KLF12: variants seen among roughly 807,000 people sequenced by gnomAD.
The protein encoded by KLF12 is Krueppel-like factor 12.
A neutral mutation model predicts 37.8 loss-of-function variants in KLF12; 9 were observed. That is an observed-to-expected ratio of 0.24 (90% confidence interval 0.14 to 0.42). The LOEUF (loss-of-function observed/expected upper bound fraction) is 0.42, where lower values mean the gene tolerates loss of function less well. KLF12 is among the 10% of genes least tolerant of loss of function. The pLI, the probability that KLF12 is intolerant of heterozygous loss-of-function variation, is 1.00. For missense variants in KLF12, 411 were observed against 516.0 expected (o/e 0.80, Z 1.97); for synonymous variants, 208 against 202.1 (o/e 1.03, Z -0.25).
At chr13:73,832,238 C>T (rs914805697) in intron 4 of KLF12, among the ~76,000 whole-genome samples, 2 of 152,192 alleles carry the variant, frequency 1.3e-5, no homozygotes, top group African/African-American at 4.8e-5. Context: ...TCATTATTTA[C>T]TCTTTTCCTG....
At chr13:73,843,123 T>C (rs1395237994) in intron 4 of KLF12, among the ~76,000 whole-genome samples, 1 of 152,186 alleles carries the variant, frequency 6.6e-6, no homozygotes, top group Non-Finnish European at 1.5e-5. Flanking sequence ...AGCAGTTCCA[T>C]ACCAATGTCT....
rs540720827 is a variant in KLF12, at chr13:73,981,279, G to A, written c.33+13711C>T. Among the ~76,000 whole-genome samples, 8 of 151,942 alleles carry A rather than the reference G, an allele frequency of 5.3e-5. 1 individual carries two copies. In the South Asian group the frequency reaches 1.7e-3, roughly 32 times the overall value. On this transcript the variant is annotated intron_variant, in intron 2 of 7. Transcript: ENST00000377669. Reference sequence around the variant, plus strand: ...ATTCTACTTCTGGGTATATATTCCAGAGAAAATCTTCTATATTTGTACCAG... The same window carrying A: ...ATTCTACTTCTGGGTATATATTCCAAAGAAAATCTTCTATATTTGTACCAG...
chr13:73,953,033 T>C (rs538606024), intron 2 of KLF12, among the ~76,000 whole-genome samples: 22 of 152,206 alleles, frequency 1.4e-4, no homozygotes, highest in African/African-American at 4.8e-4. Flanking sequence ...GAGAAGAGTG[T>C]CAAGAATGAC....
chr13:73,762,622 C>T (rs1007806056), intron 6 of KLF12, among the ~76,000 whole-genome samples: 16 of 152,228 alleles, frequency 1.1e-4, no homozygotes, highest in African/African-American at 1.9e-4. Context: ...ACAGTGTTTG[C>T]GGGTTGAACC....
At chr13:74,089,061 CA>C (rs1176865037) in intron 1 of KLF12, among the ~76,000 whole-genome samples, 3 of 152,044 alleles carry the variant, frequency 2.0e-5, no homozygotes, top group African/African-American at 4.8e-5. Flanking sequence ...GCGTAATTAT[CA>C]AAAAAAGTAG....
Position 73,951,533 on chromosome 13 carries a change from T to C in KLF12, c.34-7463A>G, listed in dbSNP as rs544824117. On this transcript the variant is annotated intron_variant, in intron 2 of 7. Transcript: ENST00000377669. ...GCACTGCTACAAAGCTGTGTAAGCC[T>C]AGAACTGTGCAAGCAACTCTGGCTA... Among the ~76,000 whole-genome samples the C allele has an allele frequency of 1.5e-4, 23 of 152,274 alleles. No homozygotes were observed. In the South Asian group the frequency reaches 4.6e-3, roughly 30 times the overall value.
chr13:73,899,843 T>C (rs1286930981), intron 3 of KLF12, among the ~76,000 whole-genome samples: 1 of 152,146 alleles, frequency 6.6e-6, no homozygotes, highest in Admixed American at 6.5e-5. Context: ...CTGACAGTTA[T>C]ACCACTAACT....
chr13:73,860,154 G>T (rs1885843045), intron 3 of KLF12, among the ~76,000 whole-genome samples: 1 of 152,148 alleles, frequency 6.6e-6, no homozygotes, highest in Non-Finnish European at 1.5e-5. Context: ...GATTGAAGAT[G>T]ATGTTGATCA....
chr13:73,885,186 C>G (rs1594211156), intron 3 of KLF12, among the ~76,000 whole-genome samples: 1 of 152,198 alleles, frequency 6.6e-6, no homozygotes, highest in Non-Finnish European at 1.5e-5. Context: ...TTAAATGTAA[C>G]AAATCCAGAG....
At chr13:74,072,650 C>G (rs1874338894) in intron 1 of KLF12, among the ~76,000 whole-genome samples, 1 of 141,182 alleles carries the variant, frequency 7.1e-6, no homozygotes, top group East Asian at 1.9e-4. Context: ...CAGAAGGATC[C>G]TGAGCTGCAA....
chr13:74,175,760 G>T, the KLF12 span, among the ~76,000 whole-genome samples: 2 of 152,184 alleles, frequency 1.3e-5, no homozygotes, highest in Non-Finnish European at 2.9e-5. Flanking sequence ...AAAGGCACCA[G>T]AGGGCTAACA....
chr13:74,238,577 T>A, the KLF12 span, among the ~76,000 whole-genome samples: 8 of 135,734 alleles, frequency 5.9e-5, 2 homozygotes, highest in African/African-American at 2.4e-4. Flanking sequence ...TCCTGGACTC[T>A]TTTTGGTTGG....
At chr13:73,887,357 T>A (rs1375901978) in intron 3 of KLF12, among the ~76,000 whole-genome samples, 1 of 152,218 alleles carries the variant, frequency 6.6e-6, no homozygotes, top group Non-Finnish European at 1.5e-5. Context: ...GGGAGCTAAC[T>A]GGATCATGGG....
At chr13:74,016,572 A>G (rs1892693374) in intron 1 of KLF12, among the ~76,000 whole-genome samples, 1 of 152,160 alleles carries the variant, frequency 6.6e-6, no homozygotes, top group South Asian at 2.1e-4. Flanking sequence ...TCTGTTGCCC[A>G]TACTGGTCTT....
chr13:73,700,759 A>G (rs933730111), intron 7 of KLF12, among the ~76,000 whole-genome samples: 14 of 152,136 alleles, frequency 9.2e-5, no homozygotes, highest in African/African-American at 3.4e-4. Context: ...AAAACAGGAA[A>G]GAAAGTCTAT....
intron 3 of KLF12, among the ~76,000 whole-genome samples, chr13:73,877,531 T>A (rs1363612360): frequency 6.6e-6 from 1 of 152,224 alleles, no homozygotes; most frequent in Admixed American, 6.5e-5. Flanking sequence ...CAGCTTTATG[T>A]GGACATTGTC....
chr13:74,229,889 A>T, the KLF12 span, among the ~76,000 whole-genome samples: 2 of 152,182 alleles, frequency 1.3e-5, no homozygotes, highest in Non-Finnish European at 2.9e-5. Context: ...TTATCTTCTA[A>T]AATGTGACAT....
intron 1 of KLF12, among the ~76,000 whole-genome samples, chr13:74,070,325 C>T (rs115269223): frequency 0.011 from 1,601 of 152,348 alleles, 20 homozygotes; most frequent in African/African-American, 0.032. Flanking sequence ...TAAACGACCA[C>T]TAGCCAAGAC....
intron 1 of KLF12, among the ~76,000 whole-genome samples, chr13:74,013,400 T>C (rs1200413550): frequency 2.6e-5 from 4 of 152,260 alleles, no homozygotes; most frequent in African/African-American, 9.6e-5. Context: ...ATGCACTCTC[T>C]GGAGAGAACC....
Sources: allele counts gnomAD v4.1 joint callset (sites outside exome capture counted in the v4.1 genomes callset), GRCh38; gene constraint gnomAD v4.1.1; transcripts MANE v1.5; gene names NCBI Gene and HGNC (gene_info 2026-07-23, HGNC 2026-07-21).